STXBP5L: variants seen among roughly 807,000 people sequenced by gnomAD.
The protein encoded by STXBP5L is syntaxin-binding protein 5-like.
A neutral mutation model predicts 144.5 loss-of-function variants in STXBP5L; 65 were observed. That is an observed-to-expected ratio of 0.45 (90% CI 0.37 to 0.55). The LOEUF is 0.55. STXBP5L is among the 20% of genes least tolerant of loss of function. The probability of loss-of-function intolerance (pLI) is 0.00; values close to 1 mark genes in which losing one functional copy is unlikely to be tolerated. For missense variants in STXBP5L, 1,298 were observed against 1,405.5 expected, an observed-to-expected ratio of 0.92 and a Z score of 1.22; for synonymous variants, 505 against 469.6, an observed-to-expected ratio of 1.08 and a Z score of -0.97.
chr3:121,121,741 T>C, intron 7 of STXBP5L, 37 bp downstream of exon 7: 1 of 1,478,154 alleles, frequency 6.8e-7, no homozygotes, highest in Non-Finnish European at 9.4e-7. Context: ...AGTTTTATTT[T>C]CCTCATTCTT....
chr3:120,993,141 G>C (rs989807634), intron 3 of STXBP5L, among the ~76,000 whole-genome samples: 1 of 151,572 alleles, frequency 6.6e-6, no homozygotes, highest in African/African-American at 2.4e-5. Context: ...AGTTTTTAAT[G>C]GGATTATTTA....
intron 19 of STXBP5L, among the ~76,000 whole-genome samples, chr3:121,314,564 C>G (rs1478549176): frequency 8.7e-5 from 12 of 137,340 alleles, no homozygotes; most frequent in African/African-American, 3.3e-4. Context: ...AGCTTTGGCT[C>G]GGCATCAGAG....
chr3:121,150,391 C>G (rs541252789), intron 7 of STXBP5L, among the ~76,000 whole-genome samples: 329 of 152,150 alleles, frequency 2.2e-3, no homozygotes, highest in Non-Finnish European at 3.7e-3. Context: ...CTTGGTTCCT[C>G]ATGGTCACAG....
intron 5 of STXBP5L, among the ~76,000 whole-genome samples, chr3:121,059,190 T>C (rs1251589417): frequency 3.3e-5 from 5 of 152,220 alleles, no homozygotes; most frequent in African/African-American, 1.2e-4. Context: ...TTTCAGGATG[T>C]GGCTAGCCAG....
chr3:121,162,317 G>A (rs2046352274), intron 9 of STXBP5L, among the ~76,000 whole-genome samples: 1 of 152,102 alleles, frequency 6.6e-6, no homozygotes, highest in Non-Finnish European at 1.5e-5. Flanking sequence ...ATGTGCAATG[G>A]GGAAAGGGTT....
At chr3:120,981,739 A>C (rs948143655) in intron 3 of STXBP5L, among the ~76,000 whole-genome samples, 3 of 152,190 alleles carry the variant, frequency 2.0e-5, no homozygotes, top group Non-Finnish European at 4.4e-5. Context: ...AGGTGGTACA[A>C]CACTTTGTTT....
At chr3:120,978,840 C>T (rs9836297) in intron 3 of STXBP5L, among the ~76,000 whole-genome samples, 19 of 152,132 alleles carry the variant, frequency 1.2e-4, no homozygotes, top group Non-Finnish European at 2.2e-4. Flanking sequence ...GTATCAGCAG[C>T]GGTGGCTGCA....
At chr3:120,987,407 A>G (rs554058399) in intron 3 of STXBP5L, among the ~76,000 whole-genome samples, 1 of 151,946 alleles carries the variant, frequency 6.6e-6, no homozygotes, top group East Asian at 1.9e-4. Flanking sequence ...TGCCATCTGT[A>G]TAATATCTTC....
At chr3:121,000,559 C>T (rs919109765) in intron 3 of STXBP5L, among the ~76,000 whole-genome samples, 2 of 152,208 alleles carry the variant, frequency 1.3e-5, no homozygotes, top group African/African-American at 4.8e-5. Context: ...TCAACTTCCT[C>T]CTGAATCTTG....
At chr3:121,312,446 C>CTTTTTTTTTTTTTTTTTTTTTTTTTT (rs58989280) in intron 19 of STXBP5L, among the ~76,000 whole-genome samples, 3 of 12,752 alleles carry the variant, frequency 2.4e-4, no homozygotes, top group African/African-American at 4.3e-4. Context: ...GTATGTCAAT[C>CTTTTTTTTTTTTTTTTTTTTTTTTTT]TTTTTTTTTT....
intron 20 of STXBP5L, among the ~76,000 whole-genome samples, chr3:121,359,116 T>G (rs1307766864): frequency 6.6e-6 from 1 of 152,156 alleles, no homozygotes; most frequent in Non-Finnish European, 1.5e-5. Context: ...TTGCCAGCAT[T>G]TGTTATTGCC....
intron 3 of STXBP5L, among the ~76,000 whole-genome samples, chr3:120,993,640 G>T (rs577189756): frequency 2.0e-5 from 3 of 151,910 alleles, no homozygotes; most frequent in Non-Finnish European, 4.4e-5. Context: ...TGAATTCTGT[G>T]TTCTGTTCCA....
chr3:121,004,557 G>A (rs533933796), intron 3 of STXBP5L, among the ~76,000 whole-genome samples: 12 of 151,826 alleles, frequency 7.9e-5, no homozygotes, highest in Middle Eastern at 6.8e-3. Flanking sequence ...TCTCCTGCCT[G>A]ATTGCCCTGG....
chr3:121,273,063 C>A (rs2050776503), intron 18 of STXBP5L, among the ~76,000 whole-genome samples: 1 of 151,990 alleles, frequency 6.6e-6, no homozygotes, highest in East Asian at 1.9e-4. Context: ...TTCAGTACTA[C>A]AATATTGTGA....
intron 10 of STXBP5L, among the ~76,000 whole-genome samples, chr3:121,221,514 C>G (rs1182244121): frequency 6.6e-6 from 1 of 151,534 alleles, no homozygotes; most frequent in East Asian, 1.9e-4. Flanking sequence ...ACTACATTCT[C>G]TTAAGTCGTG....
intron 5 of STXBP5L, among the ~76,000 whole-genome samples, chr3:121,048,688 C>A (rs980003770): frequency 7.1e-6 from 1 of 141,036 alleles, no homozygotes; most frequent in African/African-American, 2.6e-5. Flanking sequence ...CAGTTAGAGT[C>A]TTTTTTTTTT....
At chr3:121,238,370 C>T (rs533068333) in intron 12 of STXBP5L, among the ~76,000 whole-genome samples, 2 of 151,868 alleles carry the variant, frequency 1.3e-5, no homozygotes, top group Non-Finnish European at 2.9e-5. Flanking sequence ...AACCAGCTCT[C>T]ACAGGAACAA....
At chr3:121,167,466 A>C (rs1468568899) in intron 9 of STXBP5L, among the ~76,000 whole-genome samples, 1 of 152,162 alleles carries the variant, frequency 6.6e-6, no homozygotes, top group Non-Finnish European at 1.5e-5. Flanking sequence ...GTAGACCTGG[A>C]AAGAGTATAG....
intron 3 of STXBP5L, among the ~76,000 whole-genome samples, chr3:121,024,391 A>G (rs768256588): frequency 6.6e-6 from 1 of 152,100 alleles, no homozygotes; most frequent in African/African-American, 2.4e-5. Flanking sequence ...TAGTCCTACC[A>G]CTAAGGTAAA....
Sources: gnomAD v4.1 joint callset for allele counts (sites outside exome capture counted in the v4.1 genomes callset) on GRCh38, gnomAD v4.1.1 for gene constraint, MANE v1.5 for transcripts, NCBI Gene and HGNC (gene_info 2026-07-23, HGNC 2026-07-21) for gene names.